The following ANK2 variants were observed in gnomAD, a reference collection of about 807,000 sequenced individuals.
ANK2 encodes ankyrin 2.
In ANK2, 83 loss-of-function variants were observed where a neutral mutation model predicts 360.5. That is an observed-to-expected ratio of 0.23 (90% CI 0.19 to 0.28). The LOEUF is 0.28. ANK2 is among the 10% of genes least tolerant of loss of function. ANK2 has a pLI of 1.00. For missense variants in ANK2, 4,201 were observed against 4,795.7 expected, an observed-to-expected ratio of 0.88 and a Z score of 3.66; for synonymous variants, 1,740 against 1,759.5, an observed-to-expected ratio of 0.99 and a Z score of 0.28.
At chr4:112,957,687 G>T (rs1255961405) in intron 2 of ANK2, among the ~76,000 whole-genome samples, 1 of 148,046 alleles carries the variant, frequency 6.8e-6, no homozygotes, top group African/African-American at 2.5e-5. Flanking sequence ...CTGGCTGGGC[G>T]GGGGGCTGAC....
intron 1 of ANK2, among the ~76,000 whole-genome samples, chr4:112,862,591 CA>C (rs2068487693): frequency 6.6e-6 from 1 of 152,088 alleles, no homozygotes; most frequent in Non-Finnish European, 1.5e-5. Flanking sequence ...GGTTTGAATC[CA>C]AATCCTTTCA....
intron 1 of ANK2, among the ~76,000 whole-genome samples, chr4:112,846,379 A>G (rs2063309114): frequency 1.3e-5 from 2 of 152,114 alleles, no homozygotes; most frequent in South Asian, 4.1e-4. Flanking sequence ...CCAAAGTGCT[A>G]GCTAGGATTA....
chr4:113,276,135 G>A (rs184367002), intron 15 of ANK2, among the ~76,000 whole-genome samples: 17 of 152,034 alleles, frequency 1.1e-4, no homozygotes, highest in African/African-American at 4.1e-4. Flanking sequence ...TAGAGACGGG[G>A]TTTCACTGTG....
At chr4:113,121,147 A>G (rs1490666568) in intron 1 of ANK2, among the ~76,000 whole-genome samples, 1 of 152,160 alleles carries the variant, frequency 6.6e-6, no homozygotes, top group South Asian at 2.1e-4. Context: ...GTGGTCATGT[A>G]TCTGACACTT....
intron 2 of ANK2, among the ~76,000 whole-genome samples, chr4:112,956,199 C>A (rs1437944748): frequency 6.6e-6 from 1 of 152,188 alleles, no homozygotes; most frequent in Non-Finnish European, 1.5e-5. Context: ...ATGTCTTTTT[C>A]ATCTTAACTA....
intron 26 of ANK2, among the ~76,000 whole-genome samples, chr4:113,322,687 GA>G (rs1294212237): frequency 2.0e-5 from 3 of 152,096 alleles, no homozygotes; most frequent in African/African-American, 7.2e-5. Context: ...GTCTTTTAAA[GA>G]ACTTCTTTTC....
chr4:113,320,675 A>C (rs2085669485), intron 26 of ANK2, among the ~76,000 whole-genome samples: 1 of 151,692 alleles, frequency 6.6e-6, no homozygotes, highest in Non-Finnish European at 1.5e-5. Flanking sequence ...AAAAACAAAA[A>C]CAAAAAAAAC....
intron 1 of ANK2, among the ~76,000 whole-genome samples, chr4:112,862,740 G>T (rs1375364545): frequency 6.6e-6 from 1 of 151,728 alleles, no homozygotes; most frequent in East Asian, 1.9e-4. Context: ...CATTTTTAAG[G>T]CATGAGATAA....
chr4:113,317,594 G>A (rs1037515244), intron 24 of ANK2, 113 bp from the exon 25 acceptor site: 27 of 773,686 alleles, frequency 3.5e-5, no homozygotes, highest in Admixed American at 5.9e-5. Context: ...CCTGGAAGTT[G>A]TGCTGTTAGC....
At chr4:113,126,849 A>G (rs1368924490) in intron 1 of ANK2, among the ~76,000 whole-genome samples, 1 of 152,224 alleles carries the variant, frequency 6.6e-6, no homozygotes. Context: ...AAAATATAAA[A>G]TAAGACTTTG....
At chr4:113,059,454 C>T (rs1580351251) in intron 1 of ANK2, among the ~76,000 whole-genome samples, 1 of 152,086 alleles carries the variant, frequency 6.6e-6, no homozygotes, top group African/African-American at 2.4e-5. Context: ...TGATCTACCA[C>T]ATATTATCAT....
At chr4:113,143,228 A>T (rs1232288592) in intron 1 of ANK2, among the ~76,000 whole-genome samples, 5 of 38,630 alleles carry the variant, frequency 1.3e-4, no homozygotes, top group Non-Finnish European at 2.6e-4. Flanking sequence ...ATTAACACAA[A>T]ATAAGGGACT....
rs757554789 is a variant in ANK2, at chr4:113,367,662, C to G, written c.11129C>G (p.Pro3710Arg). 1.9e-6 allele frequency: 3 copies of G among 1,613,766 alleles called. No homozygotes were observed. Among genetic ancestry groups the G allele is most frequent in the Non-Finnish European group, 2.5e-6 (3 of 1,179,990 alleles). ...SKESETCDHP[P>R]IVSEEDISVG... is the part of the protein sequence containing the mutation. Reference sequence around the variant, plus strand: ...GAAAGTGAGACCTGCGATCACCCTCCTATCGTCTCAGAGGAAGACATTTCT... The same window carrying G: ...GAAAGTGAGACCTGCGATCACCCTCGTATCGTCTCAGAGGAAGACATTTCT... Residue 3710 changes from proline (P) to arginine (R), a missense_variant, in exon 42 of 46, where the codon CCT becomes CGT. Transcript: ENST00000357077.
intron 17 of ANK2, among the ~76,000 whole-genome samples, chr4:113,280,457 A>G (rs910467234): frequency 2.0e-5 from 3 of 152,150 alleles, no homozygotes; most frequent in African/African-American, 7.2e-5. Flanking sequence ...AGTGTCTTTC[A>G]CTTATCTGCC....
At chr4:113,007,369 G>A (rs17680403) in intron 2 of ANK2, among the ~76,000 whole-genome samples, 2,917 of 152,278 alleles carry the variant, frequency 0.019, 42 homozygotes, top group Non-Finnish European at 0.03. Flanking sequence ...TGGTCACAGA[G>A]CACCCAAAGA....
chr4:113,315,637 G>A (rs939418756), intron 24 of ANK2, among the ~76,000 whole-genome samples: 1 of 152,108 alleles, frequency 6.6e-6, no homozygotes, highest in African/African-American at 2.4e-5. Context: ...AGTGGCTCAC[G>A]CCTGTAATCC....
chr4:113,135,314 G>A (rs1582668433), intron 1 of ANK2, among the ~76,000 whole-genome samples: 1 of 151,686 alleles, frequency 6.6e-6, no homozygotes, highest in East Asian at 1.9e-4. Context: ...TAAAGTGATG[G>A]CCACACAGAG....
intron 31 of ANK2, among the ~76,000 whole-genome samples, chr4:113,338,189 A>T (rs1469073291): frequency 6.6e-6 from 1 of 152,178 alleles, no homozygotes; most frequent in Non-Finnish European, 1.5e-5. Flanking sequence ...ACTTTCTTTG[A>T]TAACTTGTTC....
chr4:113,223,533 G>C (rs866570621), intron 4 of ANK2, among the ~76,000 whole-genome samples: 1 of 152,124 alleles, frequency 6.6e-6, no homozygotes, highest in Non-Finnish European at 1.5e-5. Flanking sequence ...TAAAGATTTA[G>C]AGCTGTAGAT....
Sources: allele counts gnomAD v4.1 joint callset (sites outside exome capture counted in the v4.1 genomes callset), GRCh38; gene constraint gnomAD v4.1.1; transcripts MANE v1.5; gene names NCBI Gene and HGNC (gene_info 2026-07-23, HGNC 2026-07-21).